The following FER variants were observed in gnomAD, a reference collection of about 807,000 sequenced individuals.
FER encodes the protein FER tyrosine kinase, also known as tyrosine-protein kinase Fer.
FER carries 63 observed loss-of-function variants against 111.0 expected under a neutral mutation model. The ratio of observed to expected loss-of-function variants is 0.57; its 90% CI spans 0.46 to 0.70. FER has a LOEUF of 0.70. Among genes scored for constraint, FER ranks in the 30% least tolerant of loss-of-function variants. The pLI is 0.00. For synonymous variants in FER, 327 were observed against 313.9 expected (o/e 1.04, Z -0.44); for missense variants, 914 against 954.0 (o/e 0.96, Z 0.55).
intron 8 of FER, among the ~76,000 whole-genome samples, chr5:108,873,133 G>GT (rs529693307): frequency 2.5e-4 from 38 of 151,440 alleles, no homozygotes; most frequent in African/African-American, 8.5e-4. Flanking sequence ...CTTTTTTTTT[G>GT]TTTTTTTAAT....
At chr5:109,049,187 G>A (rs1221218876) in intron 16 of FER, among the ~76,000 whole-genome samples, 3 of 152,084 alleles carry the variant, frequency 2.0e-5, no homozygotes, top group South Asian at 4.2e-4. Flanking sequence ...CAACCTGAGG[G>A]CTTAAAGTGA....
At chr5:109,018,238 C>T (rs534148672) in intron 13 of FER, among the ~76,000 whole-genome samples, 2 of 151,886 alleles carry the variant, frequency 1.3e-5, no homozygotes, top group Admixed American at 1.3e-4. Context: ...TTAACACTGA[C>T]TAGAAAGTAT....
chr5:108,765,876 G>A (rs1171564491), intron 1 of FER, among the ~76,000 whole-genome samples: 3 of 152,008 alleles, frequency 2.0e-5, no homozygotes, highest in Non-Finnish European at 4.4e-5. Flanking sequence ...ACTATACCCT[G>A]GGGATTTAAT....
At chr5:108,850,203 A>C (rs1272801851) in intron 5 of FER, among the ~76,000 whole-genome samples, 1 of 152,070 alleles carries the variant, frequency 6.6e-6, no homozygotes, top group Non-Finnish European at 1.5e-5. Context: ...CAAAAAAAAA[A>C]AAAATCATAT....
At chr5:108,763,076 A>G (rs113282618) in intron 1 of FER, among the ~76,000 whole-genome samples, 257 of 152,174 alleles carry the variant, frequency 1.7e-3, no homozygotes, top group African/African-American at 5.5e-3. Context: ...AAGAATTTTT[A>G]CCTGTTGTAT....
At chr5:108,840,387 A>T (rs535070836) in intron 5 of FER, among the ~76,000 whole-genome samples, 113 of 152,100 alleles carry the variant, frequency 7.4e-4, no homozygotes, top group African/African-American at 2.7e-3. Context: ...AATAGTTTTT[A>T]TTTTTTTCTG....
At chr5:108,829,890 G>T (rs1213843682) in intron 3 of FER, among the ~76,000 whole-genome samples, 2 of 152,090 alleles carry the variant, frequency 1.3e-5, no homozygotes, top group African/African-American at 4.8e-5. Flanking sequence ...TGTTTTAAAT[G>T]CTGAGAAAGA....
At chr5:108,848,689 T>A (rs190461807) in intron 5 of FER, among the ~76,000 whole-genome samples, 3 of 152,196 alleles carry the variant, frequency 2.0e-5, no homozygotes, top group Admixed American at 6.5e-5. Flanking sequence ...ATTGTTTTTG[T>A]TTTGTTTAAA....
At chr5:108,996,700 C>T (rs1011055675) in intron 13 of FER, among the ~76,000 whole-genome samples, 1 of 152,150 alleles carries the variant, frequency 6.6e-6, no homozygotes, top group African/African-American at 2.4e-5. Context: ...AGCATGATGC[C>T]TCCAGCATTG....
At chr5:108,752,981 A>G (rs1750665546) in intron 1 of FER, among the ~76,000 whole-genome samples, 1 of 152,046 alleles carries the variant, frequency 6.6e-6, no homozygotes, top group Non-Finnish European at 1.5e-5. Context: ...ATCGGGTTTT[A>G]GTTCCAGTTT....
chr5:109,136,933 G>C (rs1438037314), intron 17 of FER, among the ~76,000 whole-genome samples: 1 of 152,122 alleles, frequency 6.6e-6, no homozygotes, highest in African/African-American at 2.4e-5. Context: ...TGGTGTAAAA[G>C]CAATTTTGAT....
intron 16 of FER, among the ~76,000 whole-genome samples, chr5:109,078,091 G>T (rs1776576077): frequency 6.6e-6 from 1 of 152,150 alleles, no homozygotes; most frequent in Admixed American, 6.5e-5. Context: ...GGCCCAAGAA[G>T]TATCCAGGAG....
intron 14 of FER, among the ~76,000 whole-genome samples, chr5:109,041,823 G>A (rs1361563822): frequency 6.6e-6 from 1 of 152,142 alleles, no homozygotes; most frequent in African/African-American, 2.4e-5. Flanking sequence ...GAGAGTTTCA[G>A]GAATGTGGGA....
chr5:109,046,243 T>C (rs575368669), intron 15 of FER, among the ~76,000 whole-genome samples: 4 of 152,202 alleles, frequency 2.6e-5, no homozygotes, highest in African/African-American at 2.4e-5. Context: ...CAAGAAAGTA[T>C]TTAACTATTA....
intron 17 of FER, among the ~76,000 whole-genome samples, chr5:109,118,986 G>A (rs772246578): frequency 1.1e-4 from 16 of 149,336 alleles, no homozygotes; most frequent in Non-Finnish European, 1.6e-4. Context: ...TTTTTTGAAG[G>A]GTTTTTTGTG....
At chr5:108,987,233 G>C (rs2149737172) in intron 13 of FER, among the ~76,000 whole-genome samples, 1 of 152,222 alleles carries the variant, frequency 6.6e-6, no homozygotes, top group South Asian at 2.1e-4. Context: ...ATCACATGAG[G>C]TCAGGATTTC....
chr5:108,956,792 A>G (rs186152402), intron 12 of FER, among the ~76,000 whole-genome samples: 5 of 151,592 alleles, frequency 3.3e-5, no homozygotes, highest in Admixed American at 1.3e-4. Flanking sequence ...ATTCTTTTTC[A>G]TTTTGTGCAG....
At chr5:109,052,047 A>G in intron 16 of FER, 6 of 1,601,474 alleles carry the variant, frequency 3.7e-6, no homozygotes, top group South Asian at 1.1e-5. Context: ...CTTCAATACC[A>G]TACTTGAACT....
chr5:108,802,503 C>T (rs757443319), intron 3 of FER, among the ~76,000 whole-genome samples: 2 of 151,920 alleles, frequency 1.3e-5, no homozygotes, highest in Non-Finnish European at 2.9e-5. Flanking sequence ...CCTTTCCCCC[C>T]GTCCTTCCCT....
Sources: allele counts gnomAD v4.1 joint callset (sites outside exome capture counted in the v4.1 genomes callset), GRCh38; gene constraint gnomAD v4.1.1; transcripts MANE v1.5; gene names NCBI Gene and HGNC (gene_info 2026-07-23, HGNC 2026-07-21).